STS: variants seen among roughly 807,000 people sequenced by gnomAD.
STS encodes steroid sulfatase.
STS carries 7 observed loss-of-function variants against 26.8 expected under a neutral mutation model. The observed-to-expected ratio is 0.26, with a 90% CI of 0.15 to 0.49. STS has a LOEUF of 0.49. Among genes scored for constraint, STS ranks in the 20% least tolerant of loss-of-function variants. The probability of loss-of-function intolerance (pLI) is 0.98; values close to 1 mark genes in which losing one functional copy is unlikely to be tolerated. For synonymous variants in STS, 199 were observed against 189.4 expected, an observed-to-expected ratio of 1.05 and a Z score of -0.42; for missense variants, 434 against 465.6, an observed-to-expected ratio of 0.93 and a Z score of 0.63.
At chrX:7,324,923 C>A (rs1481730387) in intron 8 of STS, among the ~76,000 whole-genome samples, 1 of 111,410 alleles carries the variant, frequency 9.0e-6, no homozygotes, top group East Asian at 2.8e-4. Flanking sequence ...GGCAAAATAC[C>A]CATTTCCCCA....
chrX:7,186,759 T>C (rs189021981), intron 1 of STS, among the ~76,000 whole-genome samples: 19 of 112,522 alleles, frequency 1.7e-4, no homozygotes, highest in Admixed American at 4.7e-4. Flanking sequence ...ATCAGCATTG[T>C]AAATATTTCC....
intron 2 of STS, among the ~76,000 whole-genome samples, chrX:7,240,523 GTGTGTGTGTGTA>G (rs1437678162): frequency 1.0e-4 from 3 of 28,747 alleles, no homozygotes; most frequent in African/African-American, 2.0e-4. Context: ...GTGTGTGTGT[GTGTGTGTGTGTA>G]TATATATATA....
At chrX:7,168,246 T>C (rs1315471672) in intron 1 of STS, among the ~76,000 whole-genome samples, 1 of 111,077 alleles carries the variant, frequency 9.0e-6, no homozygotes, top group Non-Finnish European at 1.9e-5. Flanking sequence ...ACCTGGGAAC[T>C]GAATTATAAT....
intron 2 of STS, among the ~76,000 whole-genome samples, chrX:7,249,677 G>A (rs1923043048): frequency 9.0e-6 from 1 of 111,721 alleles, no homozygotes; most frequent in African/African-American, 3.3e-5. Context: ...AGAGAGAAGA[G>A]CCATAGGGAG....
intron 2 of STS, among the ~76,000 whole-genome samples, chrX:7,217,202 C>G (rs1370458256): frequency 9.0e-6 from 1 of 111,109 alleles, no homozygotes; most frequent in Non-Finnish European, 1.9e-5. Context: ...GGCTGAGGAG[C>G]CTGATCCCTG....
intron 2 of STS, among the ~76,000 whole-genome samples, chrX:7,244,940 AAGCACC>A (rs1922795524): frequency 8.9e-6 from 1 of 112,166 alleles, no homozygotes; most frequent in African/African-American, 3.2e-5. Context: ...GGTACATACT[AAGCACC>A]CAAAAAACTG....
At chrX:7,343,494 C>G (rs1252625967) in intron 10 of STS, among the ~76,000 whole-genome samples, 4 of 112,164 alleles carry the variant, frequency 3.6e-5, no homozygotes, top group African/African-American at 1.3e-4. Context: ...ATATAGGAAC[C>G]AATTTTTAAT....
intron 1 of STS, among the ~76,000 whole-genome samples, chrX:7,151,801 G>C (rs1424509163): frequency 1.8e-5 from 2 of 111,211 alleles, no homozygotes; most frequent in African/African-American, 3.3e-5. Context: ...TAGAAATGCA[G>C]AATCCCAGCT....
chrX:7,225,883 A>G (rs1337193745), intron 2 of STS, among the ~76,000 whole-genome samples: 1 of 112,067 alleles, frequency 8.9e-6, no homozygotes, highest in Non-Finnish European at 1.9e-5. Flanking sequence ...GAAGTCCTAG[A>G]TGCATCCCGG....
intron 2 of STS, among the ~76,000 whole-genome samples, chrX:7,194,785 A>G (rs1476585377): frequency 8.0e-5 from 9 of 111,857 alleles, no homozygotes; most frequent in African/African-American, 2.6e-4. Flanking sequence ...TACGTGATAC[A>G]GTCACGCATC....
chrX:7,331,066 C>T (rs1312017137), intron 9 of STS, among the ~76,000 whole-genome samples: 6 of 110,710 alleles, frequency 5.4e-5, no homozygotes, highest in African/African-American at 2.0e-4. Context: ...TTTTCTTTCT[C>T]TTATGATCCT....
At chrX:7,272,846 A>G (rs1940741520) in intron 6 of STS, among the ~76,000 whole-genome samples, 1 of 111,506 alleles carries the variant, frequency 9.0e-6, no homozygotes, top group Non-Finnish European at 1.9e-5. Flanking sequence ...AGCATTTGCT[A>G]ATAAAAATTG....
intron 7 of STS, among the ~76,000 whole-genome samples, chrX:7,299,417 TTA>T (rs1408102064): frequency 9.7e-6 from 1 of 102,677 alleles, no homozygotes; most frequent in Non-Finnish European, 1.9e-5. Context: ...ATATATAATT[TTA>T]TATATGTGTA....
chrX:7,237,213 CAA>C (rs59873673), intron 2 of STS, among the ~76,000 whole-genome samples: 2 of 78,247 alleles, frequency 2.6e-5, no homozygotes, highest in Admixed American at 1.5e-4. Flanking sequence ...AAGATTTGCT[CAA>C]AAAAAAAAAA....
At chrX:7,156,463 G>A (rs1933138194) in intron 1 of STS, among the ~76,000 whole-genome samples, 1 of 111,333 alleles carries the variant, frequency 9.0e-6, no homozygotes, top group Admixed American at 9.6e-5. Context: ...TCTCTTGTGG[G>A]CACATTTCAA....
chrX:7,217,503 A>G (rs1921357249), intron 2 of STS, among the ~76,000 whole-genome samples: 1 of 111,887 alleles, frequency 8.9e-6, no homozygotes, highest in Admixed American at 9.5e-5. Context: ...CCCTATGGCC[A>G]TGCACTTGCC....
At chrX:7,286,427 T>C (rs1370660719) in intron 7 of STS, among the ~76,000 whole-genome samples, 2 of 111,171 alleles carry the variant, frequency 1.8e-5, no homozygotes, top group African/African-American at 6.5e-5. Flanking sequence ...ATTGCTGTGA[T>C]AATCATGAAA....
intron 2 of STS, among the ~76,000 whole-genome samples, chrX:7,224,667 G>A (rs982329319): frequency 5.4e-5 from 6 of 111,905 alleles, no homozygotes; most frequent in African/African-American, 1.9e-4. Context: ...CTTCCAGCCT[G>A]CAGAGCTGTG....
At chrX:7,180,554 T>C (rs1010802801) in intron 1 of STS, among the ~76,000 whole-genome samples, 1 of 111,669 alleles carries the variant, frequency 9.0e-6, no homozygotes, top group Non-Finnish European at 1.9e-5. Flanking sequence ...GGCTCTGGGG[T>C]TGGGGACCCC....
Sources: allele counts gnomAD v4.1 joint callset (sites outside exome capture counted in the v4.1 genomes callset), GRCh38; gene constraint gnomAD v4.1.1; transcripts MANE v1.5; gene names NCBI Gene and HGNC (gene_info 2026-07-23, HGNC 2026-07-21).